VCP: variants seen among roughly 807,000 people sequenced by gnomAD.
VCP encodes valosin containing protein.
VCP carries 6 observed loss-of-function variants against 85.7 expected under a neutral mutation model. The observed-to-expected ratio is 0.07, with a 90% CI of 0.04 to 0.14. The LOEUF is 0.14. Among genes scored for constraint, VCP ranks in the 10% least tolerant of loss-of-function variants. The probability of loss-of-function intolerance (pLI) is 1.00; values close to 1 mark genes in which losing one functional copy is unlikely to be tolerated. For missense variants in VCP, 353 were observed against 1,043.4 expected (o/e 0.34, Z 9.12); for synonymous variants, 384 against 367.1 (o/e 1.05, Z -0.53).
Position 35,066,827 on chromosome 9 carries a change from A to G in VCP, c.303-10T>C, listed in dbSNP as rs1363242435. On this transcript the variant is annotated splice_polypyrimidine_tract_variant and intron_variant, in intron 3 of 16. Coordinates refer to ENST00000358901, the MANE Select transcript of VCP (RefSeq NM_007126.5). The stretch of plus-strand genomic sequence containing the variant: ...AGGGCATGGCTGGATGCTGAGGATG[A>G]CAAGCAGACTCCATATTACCAACCA... 6.2e-7 allele frequency: 1 copy of G among 1,614,048 alleles called. No homozygotes were observed. The highest frequency in any genetic ancestry group is 1.7e-5 in the Admixed American group (1 of 60,030).
chr9:35,063,340 C>T (rs1828763764), intron 6 of VCP, among the ~76,000 whole-genome samples: 1 of 152,160 alleles, frequency 6.6e-6, no homozygotes, highest in African/African-American at 2.4e-5. Context: ...AACTGTAGTC[C>T]AAATGCGTTT....
intron 5 of VCP, among the ~76,000 whole-genome samples, chr9:35,064,999 C>T (rs971984123): frequency 1.3e-5 from 2 of 152,300 alleles, no homozygotes; most frequent in East Asian, 3.9e-4. Context: ...TCCTGAGTAG[C>T]TGGGATTACA....
chr9:35,064,048 G>A lies in VCP; in HGVS notation c.708+106C>T, dbSNP rs1355955275. The A allele has an allele frequency of 3.2e-6, 5 of 1,569,800 alleles. No individual in the cohort carries two copies. The African/African-American group carries it at 4.0e-5, about 13-fold the overall frequency. On this transcript the variant is annotated intron_variant, in intron 6 of 16. Coordinates refer to ENST00000358901, the MANE Select transcript of VCP (RefSeq NM_007126.5). ...ATACGTTATTGCCCCTCTAATCCAA[G>A]GCAATAATGAAAGCCATGCATGAAA...
rs763524671 is a variant in VCP, at chr9:35,060,297, G to A, written c.1695+16C>T. ...CTCAGGCAAATCAATACATAGTTCA[G>A]CCTATTGTAGCTCACCTTGTCAAAG... On this transcript the variant is annotated intron_variant, in intron 13 of 16. Transcript: ENST00000358901. The A allele has an allele frequency of 8.1e-6, 13 of 1,613,456 alleles. No homozygotes were observed. The highest frequency in any genetic ancestry group is 1.1e-5 in the Non-Finnish European group (13 of 1,179,384).
intron 5 of VCP, among the ~76,000 whole-genome samples, chr9:35,064,708 G>A (rs1461862153): frequency 6.6e-6 from 1 of 152,162 alleles, no homozygotes; most frequent in Non-Finnish European, 1.5e-5. Flanking sequence ...GCCACCATCA[G>A]CTTTACTTCA....
chr9:35,065,713 C>A (rs1348025411), intron 4 of VCP, among the ~76,000 whole-genome samples: 2 of 152,058 alleles, frequency 1.3e-5, no homozygotes, highest in African/African-American at 4.8e-5. Context: ...CCTGACCCAG[C>A]CAAAATGGAC....
Position 35,067,871 on chromosome 9 carries a change from G to A in VCP, c.302+20C>T, listed in dbSNP as rs377152021. 6.2e-7 allele frequency: 1 copy of A among 1,614,080 alleles called. No individual in the cohort carries two copies. ...ATCTCTGGCCTCCCATCCCTGTGAAGCCAAAAACCCCACACACACCTGATG... is the reference window on the plus strand; with the variant it reads ...ATCTCTGGCCTCCCATCCCTGTGAAACCAAAAACCCCACACACACCTGATG... On this transcript the variant is annotated intron_variant, in intron 3 of 16. Transcript: ENST00000358901.
chr9:35,067,943 T>C lies in VCP; in HGVS notation c.250A>G (p.Met84Val). 1 of 1,614,208 alleles carries C rather than the reference T, an allele frequency of 6.2e-7. No homozygotes were observed. Among genetic ancestry groups the C allele is most frequent in the Non-Finnish European group, 8.5e-7 (1 of 1,180,034 alleles). The change falls in exon 3 of 17, where the codon ATG (methionine) becomes GTG (valine). Residue 84 changes from methionine to valine, a missense_variant. Physicochemically the swap from Met to Val is conservative, Grantham distance 21. Coordinates refer to ENST00000358901, the MANE Select transcript of VCP (RefSeq NM_007126.5). ...DDTCSDEKIRMNRVVRNNLRV... is the reference protein window; with the variant it reads ...DDTCSDEKIRVNRVVRNNLRV... Reference sequence around the variant, plus strand: ...AGGTTATTCCGAACAACTCTATTCATCCGAATCTTCTCATCAGAACAAGTA... The same window carrying C: ...AGGTTATTCCGAACAACTCTATTCACCCGAATCTTCTCATCAGAACAAGTA...
chr9:35,071,887 C>T (rs2131046214), intron 1 of VCP: 1 of 998,834 alleles, frequency 1.0e-6, no homozygotes, highest in Admixed American at 6.1e-5. Flanking sequence ...AAGTCCACGC[C>T]CACCGGGCCC....
intron 10 of VCP, 144 bp from the exon 11 acceptor site, chr9:35,061,323 G>T: frequency 8.3e-7 from 1 of 1,202,498 alleles, no homozygotes; most frequent in Non-Finnish European, 1.2e-6. Flanking sequence ...TTTATGGGCT[G>T]GGTTTTAAGT....
Position 35,061,549 on chromosome 9 carries a change from G to A in VCP, c.1194+28C>T, listed in dbSNP as rs190701496. 23 of 1,598,012 alleles carry A rather than the reference G, an allele frequency of 1.4e-5. 1 individual carries two copies. Among genetic ancestry groups the A allele is most frequent in the African/African-American group, 6.7e-5 (5 of 74,648 alleles). On this transcript the variant is annotated intron_variant, in intron 10 of 16. Coordinates refer to ENST00000358901, the MANE Select transcript of VCP (RefSeq NM_007126.5). ...AGCAACTGCCTAGAGACACTGTAACGCCTGGTCAGCCATCATCATCACTTC... is the reference window on the plus strand; with the variant it reads ...AGCAACTGCCTAGAGACACTGTAACACCTGGTCAGCCATCATCATCACTTC...
chr9:35,069,840 A>C (rs978929354), intron 1 of VCP, among the ~76,000 whole-genome samples: 1 of 152,248 alleles, frequency 6.6e-6, no homozygotes, highest in Non-Finnish European at 1.5e-5. Context: ...CAATGAAGGA[A>C]GCAAAGAAAA....
intron 12 of VCP, 31 bp downstream of exon 12, chr9:35,060,770 C>T (rs1019237693): frequency 6.2e-7 from 1 of 1,614,018 alleles, no homozygotes; most frequent in Non-Finnish European, 8.5e-7. Flanking sequence ...TGTACTGAGA[C>T]AGTGACTCAC....
chr9:35,060,933 G>A lies in VCP; in HGVS notation c.1360-10C>T. The A allele has an allele frequency of 1.2e-6, 2 of 1,614,212 alleles. No individual in the cohort carries two copies. The highest frequency in any genetic ancestry group is 1.3e-5 in the African/African-American group (1 of 75,050). On this transcript the variant is annotated splice_polypyrimidine_tract_variant and intron_variant, in intron 11 of 16. Coordinates refer to ENST00000358901, the MANE Select transcript of VCP (RefSeq NM_007126.5). ...TCTGGCTCAAGGCCCACTAGAAAAG[G>A]AGGGAAAACTGGGGATGAGACTTAT...
chr9:35,069,243 T>C (rs1198265061), intron 1 of VCP, among the ~76,000 whole-genome samples: 1 of 152,134 alleles, frequency 6.6e-6, no homozygotes, highest in Non-Finnish European at 1.5e-5. Context: ...CACAATTCCA[T>C]AAAGTTGGCT....
rs763611715 is a variant in VCP at position 35,059,763 on chromosome 9, C to T, written c.1734G>A (p.Glu578=). Residue 578 remains glutamate, a synonymous_variant, in exon 14 of 17, where the codon GAG becomes GAA. Coordinates refer to ENST00000358901, the MANE Select transcript of VCP (RefSeq NM_007126.5). The surrounding 1 kb of genome is among the most constrained non-coding windows in gnomAD (Gnocchi z 4.9). ...QAAPCVLFFD[E]LDSIAKARGG... is the part of the protein sequence containing the mutation. ...CACGAGCCTTGGCAATCGAATCCAG[C>T]TCATCAAAGAATAGCACACAGGGGG... 1 of 1,613,982 alleles carries T rather than the reference C, an allele frequency of 6.2e-7. No homozygotes were observed. Among genetic ancestry groups the T allele is most frequent in the Non-Finnish European group, 8.5e-7 (1 of 1,180,032 alleles).
rs772777679 is a variant in VCP, at chr9:35,068,311, G to T, written c.69C>A (p.Pro23=). 6.2e-7 allele frequency: 1 copy of T among 1,614,194 alleles called. No individual in the cohort carries two copies. The highest frequency in any genetic ancestry group is 8.5e-7 in the Non-Finnish European group (1 of 1,180,050). The change falls in exon 2 of 17, where the codon CCC becomes CCA. Residue 23 remains proline, a synonymous_variant. Transcript: ENST00000358901. ...STAILKQKNR[P]NRLIVDEAIN... is the part of the protein sequence containing the mutation. ...TGGCTTCATCAACAATTAACCGATT[G>T]GGACGGTTCTTCTGTTTGAGAATGG...
chr9:35,062,058 A>G lies in VCP; in HGVS notation c.1026T>C (p.Ile342=). The G allele has an allele frequency of 6.2e-7, 1 of 1,614,162 alleles. No individual in the cohort carries two copies. The highest frequency in any genetic ancestry group is 8.5e-7 in the Non-Finnish European group (1 of 1,180,036). The part of the protein sequence containing the change: ...MDGLKQRAHV[I]VMAATNRPNS... ...TGGGTCTGTTGGTTGCTGCCATAAC[A>G]ATCACATGTGCCCTCTGCTTTAGGC... is the stretch of plus-strand genomic sequence containing the variant. The change falls in exon 9 of 17, where the codon ATT becomes ATC. Residue 342 remains isoleucine, a synonymous_variant. Transcript: ENST00000358901.
At chr9:35,065,427 A>G (rs541228815) in intron 4 of VCP, 46 bp from the exon 5 acceptor site, 1 of 1,612,818 alleles carries the variant, frequency 6.2e-7, no homozygotes, top group East Asian at 2.2e-5. Flanking sequence ...GTCAACTACA[A>G]GACAAAGTGA....
Sources: allele counts gnomAD v4.1 joint callset (sites outside exome capture counted in the v4.1 genomes callset), GRCh38; gene constraint gnomAD v4.1.1; non-coding constraint Gnocchi (gnomAD v3.1); transcripts MANE v1.5; gene names NCBI Gene and HGNC (gene_info 2026-07-23, HGNC 2026-07-21).